Variants in MYO1D observed in about 807,000 individuals in gnomAD.
The protein encoded by MYO1D is unconventional myosin-Id.
Under a neutral mutation model 122.0 loss-of-function variants are expected in MYO1D, and 83 were observed. The ratio of observed to expected loss-of-function variants is 0.68; its 90% confidence interval spans 0.57 to 0.82. The LOEUF is 0.82. Ranked by LOEUF, MYO1D falls within the 40% of genes least tolerant of loss-of-function variation. MYO1D has a pLI of 0.00. For missense variants in MYO1D, 1,157 were observed against 1,269.5 expected (o/e 0.91, Z 1.35); for synonymous variants, 464 against 446.9 (o/e 1.04, Z -0.48).
At chr17:32,671,215 G>T (rs114558841) in intron 16 of MYO1D, among the ~76,000 whole-genome samples, 2,233 of 152,326 alleles carry the variant, frequency 0.015, 44 homozygotes, top group African/African-American at 0.048. Flanking sequence ...TTCCCCTGGG[G>T]GTAATATGCC....
chr17:32,584,472 T>C (rs968715546), intron 21 of MYO1D, among the ~76,000 whole-genome samples: 1 of 152,064 alleles, frequency 6.6e-6, no homozygotes, highest in Non-Finnish European at 1.5e-5. Flanking sequence ...ATATTTCCAC[T>C]GCCACTGTTG....
intron 16 of MYO1D, among the ~76,000 whole-genome samples, chr17:32,701,605 T>C (rs1416848809): frequency 6.6e-6 from 1 of 152,210 alleles, no homozygotes; most frequent in East Asian, 1.9e-4. Context: ...CTCTGTCACT[T>C]AAGCTGAAGT....
chr17:32,851,512 C>T (rs1598155373), intron 1 of MYO1D, among the ~76,000 whole-genome samples: 1 of 152,334 alleles, frequency 6.6e-6, no homozygotes, highest in Non-Finnish European at 1.5e-5. Context: ...CTCCTCAGCT[C>T]AATGCAACCT....
In MYO1D at chr17:32,771,946, T is replaced by C. The variant is rs565984181; in HGVS notation, c.619-726A>G. On this transcript the variant is annotated intron_variant, in intron 5 of 21. Coordinates refer to ENST00000318217, the MANE Select transcript of MYO1D (RefSeq NM_015194.3). ...GGTATTAGGTTTAAATTCTCTAAATTAAACTGTATGCTTTTGTTTACTTAA... is the reference window on the plus strand; with the variant it reads ...GGTATTAGGTTTAAATTCTCTAAATCAAACTGTATGCTTTTGTTTACTTAA... 2.0e-5 allele frequency among the ~76,000 whole-genome samples: 3 copies of C among 152,356 alleles called. No homozygotes were observed. The East Asian group carries it at 5.8e-4, about 29-fold the overall frequency.
chr17:32,738,409 T>A, intron 13 of MYO1D, 24 bp from the exon 14 acceptor site: 1 of 1,541,138 alleles, frequency 6.5e-7, no homozygotes, highest in Non-Finnish European at 8.8e-7. Flanking sequence ...AAAAAACAAT[T>A]CAAATGTCAC....
chr17:32,724,126 G>A (rs553973971), intron 14 of MYO1D, among the ~76,000 whole-genome samples: 1 of 152,028 alleles, frequency 6.6e-6, no homozygotes, highest in Admixed American at 6.5e-5. Flanking sequence ...GTCGGGCGGA[G>A]GCACTGTTTA....
intron 21 of MYO1D, among the ~76,000 whole-genome samples, chr17:32,567,634 C>T (rs1419489184): frequency 6.6e-6 from 1 of 152,240 alleles, no homozygotes. Flanking sequence ...CATGAACATG[C>T]TAAGAACTTG....
intron 21 of MYO1D, among the ~76,000 whole-genome samples, chr17:32,586,030 C>T (rs1178363174): frequency 3.3e-5 from 5 of 152,094 alleles, no homozygotes; most frequent in Admixed American, 6.6e-5. Flanking sequence ...GAAGCAATTG[C>T]TATTACCTTT....
intron 1 of MYO1D, among the ~76,000 whole-genome samples, chr17:32,850,545 T>A (rs1221874137): frequency 1.3e-5 from 2 of 152,236 alleles, no homozygotes; most frequent in Admixed American, 1.3e-4. Context: ...GTGACTTTTG[T>A]AAGTGCTCTA....
chr17:32,673,090 C>CTT (rs60912187), intron 16 of MYO1D, among the ~76,000 whole-genome samples: 1,040 of 28,612 alleles, frequency 0.036, 469 homozygotes, highest in Non-Finnish European at 0.064. Context: ...AAACATGCTA[C>CTT]TTTTTTTTTT....
In MYO1D at chr17:32,771,143, A is replaced by G. The variant is rs146722107; in HGVS notation, c.696T>C (p.His232=). The stretch of plus-strand genomic sequence containing the variant: ...TTCTCACCTTTAATTGAGCTCCCAC[A>G]TGAATATAGTTGTAGGATGAAAGGG... ...QKSLSSYNYI[H]VGAQLKSSIN... Residue 232 remains histidine (H), a synonymous_variant, in exon 6 of 22, where the codon CAT becomes CAC. Coordinates refer to ENST00000318217, the MANE Select transcript of MYO1D (RefSeq NM_015194.3). 3 of 1,607,262 alleles carry G rather than the reference A, an allele frequency of 1.9e-6. No individual in the cohort carries two copies. Among genetic ancestry groups the G allele is most frequent in the African/African-American group, 2.7e-5 (2 of 74,744 alleles).
chr17:32,643,212 T>C (rs955185827), intron 19 of MYO1D, among the ~76,000 whole-genome samples: 1 of 152,252 alleles, frequency 6.6e-6, no homozygotes, highest in African/African-American at 2.4e-5. Context: ...TCTGTTTATA[T>C]GCTGGATTAC....
intron 20 of MYO1D, among the ~76,000 whole-genome samples, chr17:32,613,440 A>G (rs2087728869): frequency 6.6e-6 from 1 of 152,192 alleles, no homozygotes; most frequent in Non-Finnish European, 1.5e-5. Flanking sequence ...CATGACCATG[A>G]GCGTATATTC....
At chr17:32,722,135 C>A (rs145408940) in intron 14 of MYO1D, among the ~76,000 whole-genome samples, 94 of 152,214 alleles carry the variant, frequency 6.2e-4, no homozygotes, top group African/African-American at 2.1e-3. Flanking sequence ...GCATTTTGAA[C>A]AGAATAACAG....
intron 21 of MYO1D, among the ~76,000 whole-genome samples, chr17:32,569,892 A>G (rs225215): frequency 0.56 from 85,795 of 152,016 alleles, 24,548 homozygotes; most frequent in South Asian, 0.65. Context: ...ATCACAGGGC[A>G]AGTCACTAGA....
intron 21 of MYO1D, among the ~76,000 whole-genome samples, chr17:32,567,751 T>C (rs1433865199): frequency 6.6e-6 from 1 of 152,142 alleles, no homozygotes; most frequent in Non-Finnish European, 1.5e-5. Flanking sequence ...GAAGGGAGCA[T>C]ATGTGCACAG....
At chr17:32,751,547 G>C (rs1403052008) in intron 11 of MYO1D, among the ~76,000 whole-genome samples, 2 of 152,136 alleles carry the variant, frequency 1.3e-5, no homozygotes, top group Non-Finnish European at 2.9e-5. Flanking sequence ...TCCTAGACTT[G>C]ATAAGCAACT....
rs186356030 is a variant in MYO1D, at chr17:32,698,801, A to C, written c.2121+13187T>G. 2.8e-3 allele frequency among the ~76,000 whole-genome samples: 427 copies of C among 152,264 alleles called. 1 individual carries two copies. Among genetic ancestry groups the C allele is most frequent in the Non-Finnish European group, 4.9e-3 (333 of 68,012 alleles). The stretch of plus-strand genomic sequence containing the variant: ...TGAGCCACTTTTAATCCTTCACAAG[A>C]TCTTTCTTGTGATAAGGGAGCTAAA... On this transcript the variant is annotated intron_variant, in intron 16 of 21. Coordinates refer to ENST00000318217, the MANE Select transcript of MYO1D (RefSeq NM_015194.3).
chr17:32,876,341 C>T (rs1036396493), intron 1 of MYO1D, among the ~76,000 whole-genome samples: 9 of 152,176 alleles, frequency 5.9e-5, no homozygotes, highest in African/African-American at 1.9e-4. Flanking sequence ...AGACGCCAGC[C>T]TCTCTCCAAA....
Sources: allele counts gnomAD v4.1 joint callset (sites outside exome capture counted in the v4.1 genomes callset), GRCh38; gene constraint gnomAD v4.1.1; transcripts MANE v1.5; gene names NCBI Gene and HGNC (gene_info 2026-07-23, HGNC 2026-07-21).